Variants in SLC28A1 observed in about 807,000 individuals in gnomAD.
The protein encoded by SLC28A1 is sodium/nucleoside cotransporter 1.
In SLC28A1, 64 loss-of-function variants were observed where a neutral mutation model predicts 74.8. That is an observed-to-expected ratio of 0.86 (90% CI 0.70 to 1.05). The LOEUF (loss-of-function observed/expected upper bound fraction) is 1.05, where lower values mean the gene tolerates loss of function less well. Among genes scored for constraint, SLC28A1 ranks in the 50% least tolerant of loss-of-function variants. The pLI, the probability that SLC28A1 is intolerant of heterozygous loss-of-function variation, is 0.00. For missense variants in SLC28A1, 828 were observed against 822.8 expected, an observed-to-expected ratio of 1.01 and a Z score of -0.08; for synonymous variants, 359 against 335.0, an observed-to-expected ratio of 1.07 and a Z score of -0.78.
intron 13 of SLC28A1, 80 bp from the exon 14 acceptor site, chr15:84,934,946 C>T: frequency 1.7e-6 from 2 of 1,174,988 alleles, no homozygotes; most frequent in Non-Finnish European, 2.6e-6. Context: ...TTCCAGGGTT[C>T]CTATTTGAGC....
chr15:84,974,746 G>A, the SLC28A1 span, among the ~76,000 whole-genome samples: 1 of 152,204 alleles, frequency 6.6e-6, no homozygotes, highest in Non-Finnish European at 1.5e-5. Context: ...CACAAATGGT[G>A]TAGCTTTAGG....
At chr15:84,926,073 A>C (rs1970476946) in intron 12 of SLC28A1, among the ~76,000 whole-genome samples, 1 of 146,556 alleles carries the variant, frequency 6.8e-6, no homozygotes, top group Non-Finnish European at 1.5e-5. Context: ...TCTATATATA[A>C]TATTTTATTA....
chr15:84,927,897 T>C (rs74881014), intron 12 of SLC28A1, among the ~76,000 whole-genome samples: 1 of 55,152 alleles, frequency 1.8e-5, no homozygotes, highest in South Asian at 8.5e-4. Flanking sequence ...CTTTTTTTCA[T>C]GGCAGGATAT....
chr15:84,904,792 G>A (rs202011881), intron 7 of SLC28A1, among the ~76,000 whole-genome samples: 1 of 87,472 alleles, frequency 1.1e-5, no homozygotes, highest in Non-Finnish European at 2.2e-5. Context: ...ATTCTGATGT[G>A]TACTAAATTC....
At position 84,945,210 on chromosome 15, in the gene SLC28A1, A is replaced by T. The variant is rs771349797; in HGVS notation, c.*10A>T. 6.2e-7 allele frequency: 1 copy of T among 1,613,154 alleles called. No individual in the cohort carries two copies. Among genetic ancestry groups the T allele is most frequent in the South Asian group, 1.1e-5 (1 of 91,070 alleles). On this transcript the variant is annotated 3_prime_UTR_variant, in exon 19 of 19. Transcript: ENST00000394573. ...GATCTGTGCACAGTGAGGACAGAACATGCTTGTGCTTCTGCGCTTCTGAGG... is the reference window on the plus strand; with the variant it reads ...GATCTGTGCACAGTGAGGACAGAACTTGCTTGTGCTTCTGCGCTTCTGAGG...
downstream of SLC28A1, among the ~76,000 whole-genome samples, chr15:84,947,862 G>A (rs895435040): frequency 9.8e-5 from 15 of 152,318 alleles, no homozygotes; most frequent in African/African-American, 2.9e-4. Flanking sequence ...TCAGACCATA[G>A]CAAATAGTAG....
chr15:84,910,129 G>A (rs1172998870), intron 9 of SLC28A1, among the ~76,000 whole-genome samples: 2 of 152,202 alleles, frequency 1.3e-5, no homozygotes, highest in Non-Finnish European at 2.9e-5. Flanking sequence ...GTCAGCCCTA[G>A]GAGGAAAGGG....
At chr15:84,957,103 TATAATG>T in the SLC28A1 span, among the ~76,000 whole-genome samples, 1 of 152,206 alleles carries the variant, frequency 6.6e-6, no homozygotes, top group East Asian at 1.9e-4. Context: ...TTTATTGACA[TATAATG>T]ATATACTATA....
At chr15:84,946,106 A>T (rs1351995760), downstream of SLC28A1, among the ~76,000 whole-genome samples, 98 of 11,336 alleles carry the variant, frequency 8.6e-3, 6 homozygotes, top group Middle Eastern at 0.062. Context: ...ATATATATAT[A>T]TATATATTTT....
intron 1 of SLC28A1, chr15:84,886,219 C>T: frequency 1.0e-6 from 1 of 985,366 alleles, no homozygotes; most frequent in Non-Finnish European, 1.2e-6. Context: ...TTTACTATTT[C>T]TCACAGCTAC....
the SLC28A1 span, among the ~76,000 whole-genome samples, chr15:84,958,548 TTTTGTTTG>T: frequency 1.3e-5 from 2 of 152,004 alleles, no homozygotes; most frequent in Admixed American, 6.6e-5. Flanking sequence ...TCTTACAGTT[TTTTGTTTG>T]TTTGTTTGTT....
intron 6 of SLC28A1, among the ~76,000 whole-genome samples, chr15:84,896,456 A>G (rs1190619910): frequency 1.3e-5 from 2 of 152,364 alleles, no homozygotes; most frequent in South Asian, 2.1e-4. Context: ...TGGCAAAGAT[A>G]TGGAGAAATT....
chr15:84,966,324 C>T, the SLC28A1 span, among the ~76,000 whole-genome samples: 1 of 152,132 alleles, frequency 6.6e-6, no homozygotes, highest in Non-Finnish European at 1.5e-5. Flanking sequence ...GCCTCAGCCT[C>T]CCAAAGTGCT....
intron 12 of SLC28A1, among the ~76,000 whole-genome samples, chr15:84,932,055 A>G (rs909434117): frequency 2.6e-5 from 4 of 152,042 alleles, no homozygotes; most frequent in South Asian, 2.1e-4. Context: ...GCAGCCAGGG[A>G]CAGTCAATTC....
intron 8 of SLC28A1, among the ~76,000 whole-genome samples, chr15:84,908,491 C>T (rs1967604467): frequency 6.6e-6 from 1 of 151,962 alleles, no homozygotes; most frequent in Admixed American, 6.6e-5. Context: ...GCCTGCAGAG[C>T]ATATCTTTAA....
intron 12 of SLC28A1, among the ~76,000 whole-genome samples, chr15:84,929,311 G>A (rs1389157391): frequency 6.6e-6 from 1 of 151,880 alleles, no homozygotes; most frequent in African/African-American, 2.4e-5. Flanking sequence ...TTGGGAGGCC[G>A]AGGCGGGTGG....
At chr15:84,948,687 C>T (rs187145508), downstream of SLC28A1, among the ~76,000 whole-genome samples, 1 of 152,294 alleles carries the variant, frequency 6.6e-6, no homozygotes, top group East Asian at 1.9e-4. Context: ...TCCCCTCTAA[C>T]CTAAACTAAT....
chr15:84,939,818 G>A (rs999329274), intron 15 of SLC28A1: 2 of 152,108 alleles, frequency 1.3e-5, no homozygotes, highest in Admixed American at 6.6e-5. Flanking sequence ...TGGTATATAT[G>A]TATGTATTTA....
At chr15:84,895,374 T>C in intron 6 of SLC28A1, 1 of 1,613,992 alleles carries the variant, frequency 6.2e-7, no homozygotes, top group Non-Finnish European at 8.5e-7. Flanking sequence ...TTTCCTCCAT[T>C]CAGGGATCCC....
Sources: gnomAD v4.1 joint callset for allele counts (sites outside exome capture counted in the v4.1 genomes callset) on GRCh38, gnomAD v4.1.1 for gene constraint, MANE v1.5 for transcripts, NCBI Gene and HGNC (gene_info 2026-07-23, HGNC 2026-07-21) for gene names.